The following DPP10 variants were observed in gnomAD, a reference collection of about 807,000 sequenced individuals.
DPP10 encodes the protein inactive dipeptidyl peptidase 10.
DPP10 carries 33 observed loss-of-function variants against 120.9 expected under a neutral mutation model. That is an observed-to-expected ratio of 0.27 (90% CI 0.21 to 0.37). The LOEUF is 0.37. Among genes scored for constraint, DPP10 ranks in the 10% least tolerant of loss-of-function variants. The pLI, the probability that DPP10 is intolerant of heterozygous loss-of-function variation, is 1.00. For synonymous variants in DPP10, 337 were observed against 326.1 expected, an observed-to-expected ratio of 1.03 and a Z score of -0.36; for missense variants, 816 against 942.8, an observed-to-expected ratio of 0.87 and a Z score of 1.76.
At chr2:115,004,541 C>T (rs1574676707) in intron 1 of DPP10, among the ~76,000 whole-genome samples, 2 of 152,308 alleles carry the variant, frequency 1.3e-5, no homozygotes, top group South Asian at 4.1e-4. Context: ...CAGGGCGAGG[C>T]ATTGCCTCAC....
At chr2:115,334,136 A>G (rs1381150841) in intron 2 of DPP10, among the ~76,000 whole-genome samples, 1 of 151,300 alleles carries the variant, frequency 6.6e-6, no homozygotes, top group Admixed American at 6.6e-5. Flanking sequence ...TTCAGGAAAT[A>G]CAGAGAATGC....
chr2:115,082,197 ATT>A (rs1465915280), intron 1 of DPP10, among the ~76,000 whole-genome samples: 1 of 152,180 alleles, frequency 6.6e-6, no homozygotes, highest in Non-Finnish European at 1.5e-5. Flanking sequence ...CAGTAAGAGT[ATT>A]AGGTTAAGTA....
At chr2:115,230,424 T>C (rs1450541062) in intron 1 of DPP10, among the ~76,000 whole-genome samples, 1 of 152,074 alleles carries the variant, frequency 6.6e-6, no homozygotes, top group Non-Finnish European at 1.5e-5. Context: ...TCTTGTCTGA[T>C]TGATTTAGCT....
intron 2 of DPP10, among the ~76,000 whole-genome samples, chr2:115,333,862 T>C (rs1382821670): frequency 6.6e-6 from 1 of 152,070 alleles, no homozygotes; most frequent in African/African-American, 2.4e-5. Context: ...TAACATTTTT[T>C]CCTTCACTTC....
intron 5 of DPP10, among the ~76,000 whole-genome samples, chr2:115,551,600 A>G (rs1420640490): frequency 3.9e-5 from 6 of 152,114 alleles, no homozygotes; most frequent in Non-Finnish European, 8.8e-5. Context: ...TTTATTCCTT[A>G]TGGACAGTGA....
At chr2:115,564,612 C>A (rs2080888065) in intron 5 of DPP10, among the ~76,000 whole-genome samples, 2 of 152,018 alleles carry the variant, frequency 1.3e-5, no homozygotes, top group Non-Finnish European at 2.9e-5. Flanking sequence ...TGAGATGATT[C>A]AAAATCAAAT....
At chr2:115,675,246 A>G (rs1450638568) in intron 5 of DPP10, among the ~76,000 whole-genome samples, 5 of 152,190 alleles carry the variant, frequency 3.3e-5, no homozygotes, top group Admixed American at 1.3e-4. Flanking sequence ...CCACAAACTC[A>G]CTATTAAAGT....
chr2:115,384,681 G>GAAAA, intron 3 of DPP10, among the ~76,000 whole-genome samples: 1 of 146,672 alleles, frequency 6.8e-6, no homozygotes, highest in African/African-American at 2.6e-5. Context: ...GGAAGAAGAA[G>GAAAA]AGGAAGAAGA....
At chr2:114,537,789 C>T (rs1340794134) in intron 1 of DPP10, among the ~76,000 whole-genome samples, 2 of 152,166 alleles carry the variant, frequency 1.3e-5, no homozygotes, top group Admixed American at 1.3e-4. Context: ...ACAGAGCTAG[C>T]TAGTGGCAGC....
chr2:115,839,318 G>C (rs1034740079), intron 24 of DPP10, among the ~76,000 whole-genome samples: 6 of 152,174 alleles, frequency 3.9e-5, no homozygotes, highest in African/African-American at 9.7e-5. Flanking sequence ...GCATTCTAGA[G>C]TTAGAGCATT....
chr2:115,131,292 A>G (rs2050344066), intron 1 of DPP10, among the ~76,000 whole-genome samples: 1 of 152,236 alleles, frequency 6.6e-6, no homozygotes, highest in Non-Finnish European at 1.5e-5. Flanking sequence ...AGGCAGGAGC[A>G]TTACTTGATT....
At chr2:115,628,138 C>T (rs1044421359) in intron 5 of DPP10, among the ~76,000 whole-genome samples, 1 of 152,174 alleles carries the variant, frequency 6.6e-6, no homozygotes, top group African/African-American at 2.4e-5. Flanking sequence ...TTTTCACCAA[C>T]AGTGTAAAAG....
At chr2:115,536,142 G>A (rs920887213) in intron 5 of DPP10, among the ~76,000 whole-genome samples, 3 of 151,940 alleles carry the variant, frequency 2.0e-5, no homozygotes, top group Non-Finnish European at 4.4e-5. Flanking sequence ...TAGAAATAAT[G>A]CCTCTATCCA....
At chr2:115,153,488 G>A (rs1417449351) in intron 1 of DPP10, among the ~76,000 whole-genome samples, 2 of 152,054 alleles carry the variant, frequency 1.3e-5, no homozygotes, top group Non-Finnish European at 2.9e-5. Context: ...TTCTGCATTC[G>A]CTCACATAGA....
At chr2:114,706,704 T>C (rs888091432) in intron 1 of DPP10, among the ~76,000 whole-genome samples, 1 of 152,198 alleles carries the variant, frequency 6.6e-6, no homozygotes, top group African/African-American at 2.4e-5. Flanking sequence ...TTCACAGGTA[T>C]TGAGGGGTTA....
intron 1 of DPP10, among the ~76,000 whole-genome samples, chr2:114,725,901 A>G (rs1702010058): frequency 6.6e-6 from 1 of 152,126 alleles, no homozygotes; most frequent in Non-Finnish European, 1.5e-5. Context: ...TAGAGACCCA[A>G]TGTGTAAGAA....
intron 17 of DPP10, among the ~76,000 whole-genome samples, chr2:115,788,256 A>G (rs1683559631): frequency 1.3e-5 from 2 of 152,270 alleles, no homozygotes; most frequent in African/African-American, 4.8e-5. Context: ...AGGGGTTACT[A>G]CAGTTGTGAT....
intron 5 of DPP10, among the ~76,000 whole-genome samples, chr2:115,590,096 A>G (rs2082539170): frequency 1.3e-5 from 2 of 149,512 alleles, no homozygotes; most frequent in South Asian, 4.2e-4. Flanking sequence ...CTGAGATTAA[A>G]GTGAACCTGC....
chr2:115,246,666 G>A (rs2058547753), intron 1 of DPP10, among the ~76,000 whole-genome samples: 1 of 152,096 alleles, frequency 6.6e-6, no homozygotes, highest in Non-Finnish European at 1.5e-5. Flanking sequence ...GGAATTGTGA[G>A]GATTCAGTGT....
Sources: allele counts gnomAD v4.1 joint callset (sites outside exome capture counted in the v4.1 genomes callset), GRCh38; gene constraint gnomAD v4.1.1; transcripts MANE v1.5; gene names NCBI Gene and HGNC (gene_info 2026-07-23, HGNC 2026-07-21).